The following NECTIN1 variants were observed in gnomAD, a reference collection of about 807,000 sequenced individuals.
The protein encoded by NECTIN1 is nectin cell adhesion molecule 1, also known as nectin-1.
NECTIN1 carries 23 observed loss-of-function variants against 48.0 expected under a neutral mutation model. That is an observed-to-expected ratio of 0.48 (90% CI 0.34 to 0.68). The LOEUF is 0.68. Among genes scored for constraint, NECTIN1 ranks in the 30% least tolerant of loss-of-function variants. The probability of loss-of-function intolerance (pLI) is 0.01; values close to 1 mark genes in which losing one functional copy is unlikely to be tolerated. For synonymous variants in NECTIN1, 270 were observed against 288.9 expected (o/e 0.93, Z 0.66); for missense variants, 591 against 709.9 (o/e 0.83, Z 1.90).
chr11:119,663,133 G>A lies in NECTIN1; in HGVS notation c.*1614C>T. ...CCTCCCCAACACTTGCCATCCTGCA[G>A]AGCCCCTGACACCCTGGGGTGAGTT... On this transcript the variant is annotated 3_prime_UTR_variant, in exon 6 of 6. Transcript: ENST00000264025. 1 of 985,568 alleles carries A rather than the reference G, an allele frequency of 1.0e-6. No individual in the cohort carries two copies. The highest frequency in any genetic ancestry group is 1.2e-6 in the Non-Finnish European group (1 of 830,008). The allele number at this position is 985,568 out of a possible 1,614,324, so 61.1% of individuals were successfully genotyped here. A position where few individuals can be genotyped will look rare whatever the true frequency, so the allele number is the denominator to read the frequency against.
chr11:119,722,974 T>C (rs1463491333), intron 1 of NECTIN1, among the ~76,000 whole-genome samples: 1 of 151,986 alleles, frequency 6.6e-6, no homozygotes, highest in African/African-American at 2.4e-5. Flanking sequence ...TACGAAAACT[T>C]TGGGAGGCTG....
At chr11:119,638,408 G>A (rs34163098) in intron 7 of NECTIN1, among the ~76,000 whole-genome samples, 65,813 of 152,070 alleles carry the variant, frequency 0.43, 14,431 homozygotes, top group South Asian at 0.54. Context: ...AGTGCACCCT[G>A]AGCCTTTAGC....
chr11:119,717,538 G>A (rs1865762740), intron 1 of NECTIN1, among the ~76,000 whole-genome samples: 1 of 152,116 alleles, frequency 6.6e-6, no homozygotes, highest in African/African-American at 2.4e-5. Flanking sequence ...GGGGGAGGTG[G>A]GCAATCACGA....
chr11:119,692,627 C>T (rs1049784686), intron 1 of NECTIN1, among the ~76,000 whole-genome samples: 5 of 152,258 alleles, frequency 3.3e-5, no homozygotes, highest in African/African-American at 1.2e-4. Context: ...ACAGTTAACA[C>T]ATGTGCACTG....
chr11:119,676,300 G>A (rs1416456556), intron 4 of NECTIN1, among the ~76,000 whole-genome samples: 7 of 152,228 alleles, frequency 4.6e-5, no homozygotes, highest in Non-Finnish European at 2.9e-5. Flanking sequence ...GGTCCACAGA[G>A]CTGAAACCAG....
chr11:119,723,532 C>A (rs757431774), intron 1 of NECTIN1, among the ~76,000 whole-genome samples: 1 of 152,216 alleles, frequency 6.6e-6, no homozygotes, highest in Non-Finnish European at 1.5e-5. Flanking sequence ...CCCCAGCCCC[C>A]ACCCAGGGCA....
In NECTIN1 at chr11:119,662,794, G is replaced by T; in HGVS notation, c.*1953C>A. 3 of 986,406 alleles carry T rather than the reference G, an allele frequency of 3.0e-6. No individual in the cohort carries two copies. Among genetic ancestry groups the T allele is most frequent in the Non-Finnish European group, 3.6e-6 (3 of 830,414 alleles). The allele number at this position is 986,406 out of a possible 1,614,324, so 61.1% of individuals were successfully genotyped here. On this transcript the variant is annotated 3_prime_UTR_variant, in exon 6 of 6. Coordinates refer to ENST00000264025, the MANE Select transcript of NECTIN1 (RefSeq NM_002855.5). The surrounding 1 kb of genome is among the most constrained non-coding windows in gnomAD (Gnocchi z 5.3). The stretch of plus-strand genomic sequence containing the variant: ...CCTCCCTCTGCCCTGTGGCTGGAAA[G>T]ACTCCACAATTTTCTCCCCTAACTT...
intron 1 of NECTIN1, among the ~76,000 whole-genome samples, chr11:119,724,128 C>A (rs904625346): frequency 6.6e-6 from 1 of 152,198 alleles, no homozygotes. Flanking sequence ...TGCTCACACC[C>A]TTTTTAATTG....
rs141060422 is a variant in NECTIN1 at position 119,708,604 on chromosome 11, C to T, written c.79+19871G>A. ...ACACAGAAAGTAGATGAGTGGTTGT[C>T]AGGGGCCGGGGGAGGGAAAATGGGG... On this transcript the variant is annotated intron_variant, in intron 1 of 5. Transcript: ENST00000264025. 2.7e-3 allele frequency among the ~76,000 whole-genome samples: 317 copies of T among 117,380 alleles called. 1 individual carries two copies. The highest frequency in any genetic ancestry group is 0.011 in the Middle Eastern group (2 of 182). 77.0% of individuals were successfully genotyped at this position (117,380 alleles called of 152,430 possible). A position where few individuals can be genotyped will look rare whatever the true frequency, so the allele number is the denominator to read the frequency against.
intron 1 of NECTIN1, among the ~76,000 whole-genome samples, chr11:119,722,114 A>G (rs1218377640): frequency 6.6e-6 from 1 of 152,224 alleles, no homozygotes; most frequent in Non-Finnish European, 1.5e-5. Flanking sequence ...CAGTCAGAAG[A>G]CCCAGTGTCT....
At position 119,664,324 on chromosome 11, in the gene NECTIN1, T is replaced by C; in HGVS notation, c.*423A>G. 9.9e-7 allele frequency: 1 copy of C among 1,005,592 alleles called. No individual in the cohort carries two copies. Among genetic ancestry groups the C allele is most frequent in the Non-Finnish European group, 1.2e-6 (1 of 842,296 alleles). The allele number at this position is 1,005,592 out of a possible 1,614,324, so 62.3% of individuals were successfully genotyped here. A position where few individuals can be genotyped will look rare whatever the true frequency, so the allele number is the denominator to read the frequency against. On this transcript the variant is annotated 3_prime_UTR_variant, in exon 6 of 6. Transcript: ENST00000264025. Reference sequence around the variant, plus strand: ...CAGCATCTGGGGGTGTGGGGAGCTTTTCCCTCTTAGAGCCCCTTGAGCCCT... The same window carrying C: ...CAGCATCTGGGGGTGTGGGGAGCTTCTCCCTCTTAGAGCCCCTTGAGCCCT...
In NECTIN1 at chr11:119,661,688, A is replaced by G; in HGVS notation, c.*3059T>C. ...CAAGTGGGGGTTGGCTGGCAGAGGA[A>G]GCGCATGCCCAGGAAACAGGGCCCC... On this transcript the variant is annotated 3_prime_UTR_variant, in exon 6 of 6. Transcript: ENST00000264025. 1.0e-6 allele frequency: 1 copy of G among 985,920 alleles called. No individual in the cohort carries two copies. Among genetic ancestry groups the G allele is most frequent in the Non-Finnish European group, 1.2e-6 (1 of 829,970 alleles). 61.1% of individuals were successfully genotyped at this position (985,920 alleles called of 1,614,324 possible).
In NECTIN1 at chr11:119,678,360, C is replaced by G. The variant is rs1000458559; in HGVS notation, c.430+55G>C. On this transcript the variant is annotated intron_variant, in intron 2 of 5. Coordinates refer to ENST00000264025, the MANE Select transcript of NECTIN1 (RefSeq NM_002855.5). This position sits in a 1 kb window ranked among gnomAD's most constrained non-coding sequence, Gnocchi z 4.4. ...CATTGAGGCATCCTGAGGATGGCCA[C>G]GCCCCGAGGTCACAGGCCTCTGGAT... The G allele has an allele frequency of 1.3e-6, 2 of 1,519,386 alleles. No individual in the cohort carries two copies. Among genetic ancestry groups the G allele is most frequent in the Non-Finnish European group, 1.8e-6 (2 of 1,095,552 alleles). 94.1% of individuals were successfully genotyped at this position (1,519,386 alleles called of 1,614,324 possible).
In NECTIN1 at chr11:119,675,463, CTCTT is replaced by C. The variant is rs1040216635; in HGVS notation, c.852-157_852-154del. 362 of 695,068 alleles carry C rather than the reference CTCTT, an allele frequency of 5.2e-4. No homozygotes were observed. In the African/African-American group the frequency reaches 6.1e-3, roughly 12 times the overall value. The allele number at this position is 695,068 out of a possible 1,614,324, so 43.1% of individuals were successfully genotyped here. On this transcript the variant is annotated intron_variant, in intron 4 of 5. Transcript: ENST00000264025. ...AAGGAAGAAAAATAATAATAATAAT[CTCTT>C]TCACTTGGTAGTTTTATATTATTCA...
chr11:119,690,320 A>C (rs1865230947), intron 1 of NECTIN1, among the ~76,000 whole-genome samples: 1 of 151,966 alleles, frequency 6.6e-6, no homozygotes, highest in African/African-American at 2.4e-5. Flanking sequence ...CAACAACAAC[A>C]AAAAAAATAA....
intron 1 of NECTIN1, among the ~76,000 whole-genome samples, chr11:119,698,354 C>T (rs1315076942): frequency 1.3e-5 from 2 of 152,236 alleles, no homozygotes; most frequent in African/African-American, 4.8e-5. Context: ...TTGTCTCTTC[C>T]CCTTCTTTCA....
At chr11:119,658,078 G>A (rs1399835055), downstream of NECTIN1, among the ~76,000 whole-genome samples, 1 of 152,192 alleles carries the variant, frequency 6.6e-6, no homozygotes, top group Non-Finnish European at 1.5e-5. Flanking sequence ...GGCCTGTGAT[G>A]TATGTTGATG....
chr11:119,638,789 G>A (rs1864275456), exon 7 of NECTIN1: 3 of 1,613,878 alleles, frequency 1.9e-6, no homozygotes, highest in African/African-American at 1.3e-5. Flanking sequence ...CGGCTTCTGG[G>A]AGAGGGGCTG....
chr11:119,714,439 C>G (rs539795779), intron 1 of NECTIN1, among the ~76,000 whole-genome samples: 17 of 152,248 alleles, frequency 1.1e-4, no homozygotes, highest in Middle Eastern at 3.4e-3. Flanking sequence ...TGTGATGTAC[C>G]TCCTTCCACG....
Sources: gnomAD v4.1 joint callset for allele counts (sites outside exome capture counted in the v4.1 genomes callset) on GRCh38, gnomAD v4.1.1 for gene constraint, Gnocchi (gnomAD v3.1) non-coding constraint, MANE v1.5 for transcripts, NCBI Gene and HGNC (gene_info 2026-07-23, HGNC 2026-07-21) for gene names.